The following KCNH5 variants were observed in gnomAD, a reference collection of about 807,000 sequenced individuals.
The protein encoded by KCNH5 is potassium voltage-gated channel subfamily H member 5.
In KCNH5, 46 loss-of-function variants were observed where a neutral mutation model predicts 96.1. The observed-to-expected ratio is 0.48, with a 90% CI of 0.38 to 0.61. The LOEUF is 0.61. KCNH5 is among the 20% of genes least tolerant of loss of function. The pLI, the probability that KCNH5 is intolerant of heterozygous loss-of-function variation, is 0.00. For missense variants in KCNH5, 907 were observed against 1,225.8 expected, an observed-to-expected ratio of 0.74 and a Z score of 3.88; for synonymous variants, 439 against 449.8, an observed-to-expected ratio of 0.98 and a Z score of 0.30.
chr14:62,801,344 G>A (rs1371678830), intron 9 of KCNH5, among the ~76,000 whole-genome samples: 7 of 146,346 alleles, frequency 4.8e-5, no homozygotes, highest in Non-Finnish European at 7.4e-5. Context: ...AAATGAAGTC[G>A]ACATCCTGCA....
chr14:62,769,621 C>T (rs8003765), intron 10 of KCNH5, among the ~76,000 whole-genome samples: 4,265 of 152,186 alleles, frequency 0.028, 159 homozygotes, highest in East Asian at 0.092. Context: ...TAACTCTAAT[C>T]GTGATTTAAC....
At chr14:62,933,459 GTGTGTGTGTGTGTA>G (rs1484170254) in intron 7 of KCNH5, among the ~76,000 whole-genome samples, 3 of 151,934 alleles carry the variant, frequency 2.0e-5, no homozygotes, top group Non-Finnish European at 4.4e-5. Flanking sequence ...TATATTATGT[GTGTGTGTGTGTGTA>G]TGTGTGTGTG....
intron 6 of KCNH5, among the ~76,000 whole-genome samples, chr14:62,964,904 C>A (rs1047910869): frequency 8.7e-5 from 13 of 150,288 alleles, no homozygotes; most frequent in African/African-American, 3.2e-4. Flanking sequence ...ATCCCTCTCC[C>A]CTAGTGCAAA....
intron 7 of KCNH5, among the ~76,000 whole-genome samples, chr14:62,853,458 T>TATATATATATATATATATAATC (rs1887853805): frequency 2.3e-5 from 1 of 43,984 alleles, no homozygotes. Context: ...AGAATAATCA[T>TATATATATATATATATATAATC]ATATATATAT....
At chr14:62,833,738 T>C (rs941324282) in intron 8 of KCNH5, among the ~76,000 whole-genome samples, 6 of 152,048 alleles carry the variant, frequency 3.9e-5, no homozygotes, top group Non-Finnish European at 8.8e-5. Context: ...TTTTTGCCCA[T>C]ACAGGTAAAT....
At chr14:62,749,119 C>G (rs1885442664) in intron 10 of KCNH5, among the ~76,000 whole-genome samples, 1 of 152,164 alleles carries the variant, frequency 6.6e-6, no homozygotes, top group African/African-American at 2.4e-5. Context: ...TCCACATACC[C>G]AACAGTTTGG....
chr14:62,781,110 A>G (rs1886202518), intron 9 of KCNH5, among the ~76,000 whole-genome samples: 1 of 152,106 alleles, frequency 6.6e-6, no homozygotes, highest in Admixed American at 6.5e-5. Context: ...AAATAAAGGG[A>G]CAGAGTACAA....
chr14:62,905,511 G>C (rs921969168), intron 7 of KCNH5, among the ~76,000 whole-genome samples: 3 of 152,158 alleles, frequency 2.0e-5, no homozygotes, highest in African/African-American at 7.2e-5. Context: ...GGGCAGGGGA[G>C]AAGGATGACA....
intron 6 of KCNH5, among the ~76,000 whole-genome samples, chr14:62,972,554 G>A (rs1050602921): frequency 6.6e-6 from 1 of 152,146 alleles, no homozygotes; most frequent in African/African-American, 2.4e-5. Context: ...ACCTGCACAT[G>A]AATGTTTATA....
At chr14:62,867,993 G>A (rs190072775) in intron 7 of KCNH5, among the ~76,000 whole-genome samples, 1 of 152,328 alleles carries the variant, frequency 6.6e-6, no homozygotes, top group East Asian at 1.9e-4. Flanking sequence ...CTTGTTGTCT[G>A]TATAACCTGA....
chr14:62,859,373 C>T (rs1305890060), intron 7 of KCNH5, among the ~76,000 whole-genome samples: 1 of 152,166 alleles, frequency 6.6e-6, no homozygotes, highest in Non-Finnish European at 1.5e-5. Flanking sequence ...CCACTTTGTT[C>T]ATGGGCGATG....
chr14:62,883,903 T>TA (rs1888542705), intron 7 of KCNH5, among the ~76,000 whole-genome samples: 1 of 152,146 alleles, frequency 6.6e-6, no homozygotes, highest in Non-Finnish European at 1.5e-5. Context: ...CCAATTTACA[T>TA]ATTTGATCTC....
intron 10 of KCNH5, among the ~76,000 whole-genome samples, chr14:62,745,940 C>A (rs190683134): frequency 2.0e-5 from 3 of 152,150 alleles, no homozygotes; most frequent in Admixed American, 6.5e-5. Context: ...ACCCTTCAAG[C>A]CCTACAGCTT....
chr14:62,719,688 G>C (rs994593774), intron 10 of KCNH5, among the ~76,000 whole-genome samples: 1 of 152,202 alleles, frequency 6.6e-6, no homozygotes, highest in African/African-American at 2.4e-5. Flanking sequence ...GCATATGAAC[G>C]GTTGAAGTAC....
intron 7 of KCNH5, among the ~76,000 whole-genome samples, chr14:62,899,833 CAAAA>C (rs10544668): frequency 7.2e-6 from 1 of 139,124 alleles, no homozygotes. Context: ...GACTCCGTCT[CAAAA>C]AAAAAAAAAA....
chr14:62,876,044 G>A (rs1888366089), intron 7 of KCNH5, among the ~76,000 whole-genome samples: 1 of 152,166 alleles, frequency 6.6e-6, no homozygotes, highest in Admixed American at 6.5e-5. Flanking sequence ...GCATGTGCCT[G>A]TAATCCCAGC....
At chr14:62,912,514 C>T (rs1442146744) in intron 7 of KCNH5, among the ~76,000 whole-genome samples, 1 of 151,822 alleles carries the variant, frequency 6.6e-6, no homozygotes, top group African/African-American at 2.4e-5. Context: ...TCAAGCGATT[C>T]TCCTGCCTCA....
chr14:62,961,816 G>GCAGATA (rs1395793553), intron 6 of KCNH5, among the ~76,000 whole-genome samples: 3 of 151,908 alleles, frequency 2.0e-5, no homozygotes, highest in Admixed American at 6.6e-5. Context: ...AGATGGAGAT[G>GCAGATA]GAGATGCAGA....
chr14:62,827,954 T>C (rs112348152), intron 8 of KCNH5, among the ~76,000 whole-genome samples: 16 of 152,182 alleles, frequency 1.1e-4, no homozygotes, highest in African/African-American at 3.6e-4. Flanking sequence ...TTTTATGTTT[T>C]AGTTCCATTA....
Sources: gnomAD v4.1 joint callset for allele counts (sites outside exome capture counted in the v4.1 genomes callset) on GRCh38, gnomAD v4.1.1 for gene constraint, MANE v1.5 for transcripts, NCBI Gene and HGNC (gene_info 2026-07-23, HGNC 2026-07-21) for gene names.